The following NHERF1 variants were observed in gnomAD, a reference collection of about 807,000 sequenced individuals.
The protein encoded by NHERF1 is NHERF family PDZ scaffold protein 1.
chr17:74,766,159 A>G, the NHERF1 span, among the ~76,000 whole-genome samples: 1 of 152,130 alleles, frequency 6.6e-6, no homozygotes, highest in South Asian at 2.1e-4. Context: ...TTTAGTAGAT[A>G]GAGACCAGCA....
chr17:74,767,018 G>A, the NHERF1 span: 14 of 1,582,908 alleles, frequency 8.8e-6, no homozygotes, highest in Non-Finnish European at 1.2e-5. Flanking sequence ...CAATCCTTGG[G>A]GTGCATGAGA....
the NHERF1 span, chr17:74,767,995 A>G: frequency 1.3e-6 from 1 of 759,150 alleles, no homozygotes; most frequent in Non-Finnish European, 2.4e-6. Context: ...GAGCCCCAGC[A>G]GGCTCAGGAG....
the NHERF1 span, chr17:74,748,702 T>C: frequency 5.7e-6 from 4 of 701,804 alleles, no homozygotes; most frequent in Admixed American, 3.0e-5. This position sits in a 1 kb window ranked among gnomAD's most constrained non-coding sequence, Gnocchi z 4.3. Context: ...CGACGGTTCC[T>C]GGGACACCTG....
At chr17:74,765,809 C>T in the NHERF1 span, among the ~76,000 whole-genome samples, 1 of 152,258 alleles carries the variant, frequency 6.6e-6, no homozygotes, top group Non-Finnish European at 1.5e-5. Context: ...GCCACAGTCT[C>T]CCAAAGTGCT....
chr17:74,761,564 TG>T, the NHERF1 span, among the ~76,000 whole-genome samples: 1 of 152,034 alleles, frequency 6.6e-6, no homozygotes, highest in Non-Finnish European at 1.5e-5. The surrounding 1 kb of genome is among the most constrained non-coding windows in gnomAD (Gnocchi z 4.3). Flanking sequence ...ACAAAGGGGC[TG>T]GGGGTCCTCA....
chr17:74,759,074 C>T, the NHERF1 span, among the ~76,000 whole-genome samples: 2 of 152,204 alleles, frequency 1.3e-5, no homozygotes, highest in African/African-American at 4.8e-5. Flanking sequence ...GGGAACCCCC[C>T]TTCCCATGTG....
the NHERF1 span, among the ~76,000 whole-genome samples, chr17:74,766,183 G>GTTTTTTTTGT: frequency 4.6e-5 from 7 of 151,218 alleles, no homozygotes; most frequent in East Asian, 1.4e-3. Flanking sequence ...TTTTTGGTTT[G>GTTTTTTTTGT]TTTTTTTTGT....
At chr17:74,768,774 T>C in the NHERF1 span, 1 of 829,614 alleles carries the variant, frequency 1.2e-6, no homozygotes, top group Non-Finnish European at 1.9e-6. Flanking sequence ...ATCCCCTTTC[T>C]TGACAAATGA....
At chr17:74,766,253 G>C in the NHERF1 span, among the ~76,000 whole-genome samples, 1 of 151,974 alleles carries the variant, frequency 6.6e-6, no homozygotes, top group African/African-American at 2.4e-5. Flanking sequence ...CTGGAGTGTA[G>C]TGGCGTGATC....
chr17:74,749,384 T>A, the NHERF1 span: 1 of 1,226,630 alleles, frequency 8.2e-7, no homozygotes, highest in Non-Finnish European at 1.1e-6. The surrounding 1 kb of genome is among the most constrained non-coding windows in gnomAD (Gnocchi z 5.6). Flanking sequence ...CCCGCCGTCG[T>A]TTTTCTGAAA....
At chr17:74,765,782 C>T in the NHERF1 span, among the ~76,000 whole-genome samples, 5 of 151,996 alleles carry the variant, frequency 3.3e-5, no homozygotes, top group Admixed American at 6.6e-5. Flanking sequence ...GAACTCCTGA[C>T]CTCAGGTGAT....
chr17:74,763,400 G>A, the NHERF1 span: 1 of 1,614,170 alleles, frequency 6.2e-7, no homozygotes, highest in Non-Finnish European at 8.5e-7. Flanking sequence ...GAAGCAGCAT[G>A]GGGACGTGGT....
the NHERF1 span, among the ~76,000 whole-genome samples, chr17:74,755,038 C>T: frequency 6.6e-6 from 1 of 152,202 alleles, no homozygotes; most frequent in Non-Finnish European, 1.5e-5. Context: ...TCCTCCCACA[C>T]AGCGCAGGGG....
At chr17:74,749,227 G>T in the NHERF1 span, 35 of 1,526,468 alleles carry the variant, frequency 2.3e-5, no homozygotes. This position sits in a 1 kb window ranked among gnomAD's most constrained non-coding sequence, Gnocchi z 5.6. Flanking sequence ...CCGCCGCCGA[G>T]GTGCAGGGGG....
At chr17:74,750,769 C>A in the NHERF1 span, among the ~76,000 whole-genome samples, 1 of 138,182 alleles carries the variant, frequency 7.2e-6, no homozygotes, top group South Asian at 2.4e-4. Flanking sequence ...AAATACCCAC[C>A]CACCCCCACC....
chr17:74,753,545 C>T, the NHERF1 span, among the ~76,000 whole-genome samples: 4 of 152,190 alleles, frequency 2.6e-5, no homozygotes, highest in African/African-American at 9.7e-5. Flanking sequence ...TTCTTACCTT[C>T]AAGCTCCTGT....
At chr17:74,763,675 G>C in the NHERF1 span, among the ~76,000 whole-genome samples, 3 of 152,254 alleles carry the variant, frequency 2.0e-5, no homozygotes, top group African/African-American at 7.2e-5. Flanking sequence ...CCAGAGGTGT[G>C]GGCTGGGGGA....
chr17:74,760,380 T>G, the NHERF1 span, among the ~76,000 whole-genome samples: 1 of 152,158 alleles, frequency 6.6e-6, no homozygotes, highest in African/African-American at 2.4e-5. This position sits in a 1 kb window ranked among gnomAD's most constrained non-coding sequence, Gnocchi z 4.5. Flanking sequence ...TTAACCGTCT[T>G]TGTTGTTGGG....
chr17:74,749,228 G>T, the NHERF1 span: 9 of 1,528,904 alleles, frequency 5.9e-6, no homozygotes, highest in African/African-American at 1.4e-5. The surrounding 1 kb of genome is among the most constrained non-coding windows in gnomAD (Gnocchi z 5.6). Context: ...CGCCGCCGAG[G>T]TGCAGGGGGC....
Sources: gnomAD v4.1 joint callset for allele counts (sites outside exome capture counted in the v4.1 genomes callset) on GRCh38, gnomAD v4.1.1 for gene constraint, Gnocchi (gnomAD v3.1) non-coding constraint, MANE v1.5 for transcripts, NCBI Gene and HGNC (gene_info 2026-07-23, HGNC 2026-07-21) for gene names.